The following NCAM2 variants were observed in gnomAD, a reference collection of about 807,000 sequenced individuals.
NCAM2 encodes the protein neural cell adhesion molecule 2.
NCAM2 carries 30 observed loss-of-function variants against 98.1 expected under a neutral mutation model. That is an observed-to-expected ratio of 0.31 (90% CI 0.23 to 0.41). NCAM2 has a LOEUF of 0.41. NCAM2 is among the 10% of genes least tolerant of loss of function. The pLI, the probability that NCAM2 is intolerant of heterozygous loss-of-function variation, is 1.00. For synonymous variants in NCAM2, 368 were observed against 342.4 expected, an observed-to-expected ratio of 1.07 and a Z score of -0.83; for missense variants, 867 against 1,005.8, an observed-to-expected ratio of 0.86 and a Z score of 1.87.
chr21:21,332,737 G>T (rs1042238842), intron 6 of NCAM2, among the ~76,000 whole-genome samples: 5 of 152,042 alleles, frequency 3.3e-5, no homozygotes, highest in African/African-American at 9.7e-5. Context: ...CAGATACATT[G>T]CCTGACTCTG....
At chr21:21,412,353 C>A (rs1037164987) in intron 10 of NCAM2, among the ~76,000 whole-genome samples, 66 of 152,176 alleles carry the variant, frequency 4.3e-4, no homozygotes, top group Non-Finnish European at 9.4e-4. Context: ...GATCCTATCT[C>A]CAAATTCATT....
intron 14 of NCAM2, among the ~76,000 whole-genome samples, chr21:21,469,932 T>G (rs1051903383): frequency 6.6e-6 from 1 of 151,992 alleles, no homozygotes; most frequent in African/African-American, 2.4e-5. Flanking sequence ...GGAGGTAGGC[T>G]TGGCCAGAAT....
intron 12 of NCAM2, among the ~76,000 whole-genome samples, chr21:21,438,562 T>C (rs1376634172): frequency 1.3e-5 from 2 of 152,190 alleles, no homozygotes; most frequent in African/African-American, 2.4e-5. Flanking sequence ...TATAGAGATA[T>C]AGAATGTGAG....
At chr21:21,520,402 G>A (rs981378338) in intron 16 of NCAM2, among the ~76,000 whole-genome samples, 1 of 152,132 alleles carries the variant, frequency 6.6e-6, no homozygotes, top group African/African-American at 2.4e-5. Context: ...TAACTAGCTC[G>A]TGTGTGTCTG....
chr21:21,210,469 AT>A (rs1353464467), intron 1 of NCAM2: 83 of 1,195,036 alleles, frequency 6.9e-5, no homozygotes, highest in Non-Finnish European at 7.9e-5. Context: ...TACTGTAAGA[AT>A]TCTTCATGAA....
rs941653959 is a variant in NCAM2, at chr21:21,541,250, GAAA to G, written c.*3298_*3300del. ...AGCATGACAGTCTGCTTTATTAAAA[GAAA>G]AAAACTACAATTAACATCATTACTA... is the stretch of plus-strand genomic sequence containing the variant. On this transcript the variant is annotated 3_prime_UTR_variant, in exon 18 of 18. Transcript: ENST00000400546. 51 of 151,328 alleles carry G rather than the reference GAAA, an allele frequency of 3.4e-4. No homozygotes were observed. Among genetic ancestry groups the G allele is most frequent in the African/African-American group, 1.2e-3 (50 of 41,408 alleles). 9.4% of individuals were successfully genotyped at this position (151,328 alleles called of 1,614,324 possible).
chr21:21,013,246 T>C (rs2146146976), intron 1 of NCAM2, among the ~76,000 whole-genome samples: 1 of 152,184 alleles, frequency 6.6e-6, no homozygotes, highest in African/African-American at 2.4e-5. Flanking sequence ...ACACAATTAC[T>C]GAAGGAAATT....
chr21:21,335,488 T>G lies in NCAM2; in HGVS notation c.738-17T>G. The G allele has an allele frequency of 6.4e-7, 1 of 1,574,674 alleles. No individual in the cohort carries two copies. The highest frequency in any genetic ancestry group is 8.6e-7 in the Non-Finnish European group (1 of 1,164,762). ...AAAGCCAGATCTGTGAGGATGAACCTCTTTTTTCTTCTTTAGGAATGGCAA... is the reference window on the plus strand; with the variant it reads ...AAAGCCAGATCTGTGAGGATGAACCGCTTTTTTCTTCTTTAGGAATGGCAA... On this transcript the variant is annotated splice_polypyrimidine_tract_variant and intron_variant, in intron 6 of 17. Transcript: ENST00000400546.
chr21:21,374,769 G>A (rs1486892114), intron 9 of NCAM2, among the ~76,000 whole-genome samples: 1 of 151,780 alleles, frequency 6.6e-6, no homozygotes, highest in African/African-American at 2.4e-5. Context: ...TTAGTGGAAT[G>A]TATGAGATAT....
Position 21,131,010 on chromosome 21 carries a change from AT to A in NCAM2, c.55+132400del, listed in dbSNP as rs543120991. Among the ~76,000 whole-genome samples, 11 of 152,122 alleles carry A rather than the reference AT, an allele frequency of 7.2e-5. No homozygotes were observed. In the South Asian group the frequency reaches 1.9e-3, roughly 26 times the overall value. ...TAAATTCTTTTGTGGAATTCATTAGATTTTTTTTGTTTCCTCTGTGATCCAT... is the reference window on the plus strand; with the variant it reads ...TAAATTCTTTTGTGGAATTCATTAGATTTTTTTGTTTCCTCTGTGATCCAT... On this transcript the variant is annotated intron_variant, in intron 1 of 17. Coordinates refer to ENST00000400546, the MANE Select transcript of NCAM2 (RefSeq NM_004540.5).
chr21:21,119,017 GGT>G (rs1170989731), intron 1 of NCAM2, among the ~76,000 whole-genome samples: 1 of 151,952 alleles, frequency 6.6e-6, no homozygotes, highest in Non-Finnish European at 1.5e-5. Context: ...TTTGTTTTAT[GGT>G]TTCTTTGTTG....
chr21:21,307,346 A>G (rs1474104475), intron 5 of NCAM2, among the ~76,000 whole-genome samples: 2 of 152,120 alleles, frequency 1.3e-5, no homozygotes, highest in Admixed American at 6.6e-5. Context: ...TAATGTAAAA[A>G]ATACCCCCTC....
chr21:21,116,766 A>G (rs1182993171), intron 1 of NCAM2, among the ~76,000 whole-genome samples: 1 of 152,118 alleles, frequency 6.6e-6, no homozygotes, highest in Non-Finnish European at 1.5e-5. Flanking sequence ...GAGCCAGGAG[A>G]ATGGTGTGAA....
chr21:21,451,314 C>G (rs559864233), intron 12 of NCAM2, among the ~76,000 whole-genome samples: 1 of 152,232 alleles, frequency 6.6e-6, no homozygotes, highest in East Asian at 1.9e-4. Context: ...TCAAATTAAA[C>G]CATCTAAGCA....
intron 15 of NCAM2, among the ~76,000 whole-genome samples, chr21:21,493,042 G>C (rs1986957939): frequency 6.6e-6 from 1 of 151,836 alleles, no homozygotes; most frequent in Non-Finnish European, 1.5e-5. Flanking sequence ...CATGTTGGCA[G>C]AAAACATTAA....
intron 1 of NCAM2, among the ~76,000 whole-genome samples, chr21:21,098,088 A>G (rs1242484212): frequency 1.3e-5 from 2 of 149,694 alleles, no homozygotes; most frequent in Non-Finnish European, 3.0e-5. Flanking sequence ...ATGAAGTTGA[A>G]TGTACTACAC....
At chr21:21,216,074 A>C (rs1341726391) in intron 1 of NCAM2, among the ~76,000 whole-genome samples, 3 of 152,164 alleles carry the variant, frequency 2.0e-5, no homozygotes, top group Non-Finnish European at 4.4e-5. Context: ...TTTGGGTCTC[A>C]GTTTTACTGT....
intron 1 of NCAM2, chr21:21,239,197 G>A (rs2147227814): frequency 6.6e-6 from 1 of 152,176 alleles, no homozygotes; most frequent in South Asian, 2.1e-4. Flanking sequence ...AAAAGGGTTG[G>A]CCAGAAATTT....
intron 1 of NCAM2, among the ~76,000 whole-genome samples, chr21:21,011,845 A>G (rs1458510082): frequency 1.3e-5 from 2 of 152,198 alleles, no homozygotes; most frequent in South Asian, 2.1e-4. Context: ...GATATCTTCT[A>G]GAAGCTGACA....
Sources: allele counts gnomAD v4.1 joint callset (sites outside exome capture counted in the v4.1 genomes callset), GRCh38; gene constraint gnomAD v4.1.1; transcripts MANE v1.5; gene names NCBI Gene and HGNC (gene_info 2026-07-23, HGNC 2026-07-21).